COP1: variants seen among roughly 807,000 people sequenced by gnomAD.
COP1 encodes E3 ubiquitin-protein ligase COP1.
Under a neutral mutation model 101.3 loss-of-function variants are expected in COP1, and 24 were observed. The observed-to-expected ratio is 0.24, with a 90% CI of 0.17 to 0.33. COP1 has a LOEUF of 0.33. Among genes scored for constraint, COP1 ranks in the 10% least tolerant of loss-of-function variants. COP1 has a pLI of 1.00. For synonymous variants in COP1, 347 were observed against 341.9 expected (o/e 1.01, Z -0.17); for missense variants, 663 against 906.2 (o/e 0.73, Z 3.45).
chr1:175,998,986 T>C (rs2148843762), intron 15 of COP1, among the ~76,000 whole-genome samples: 1 of 152,236 alleles, frequency 6.6e-6, no homozygotes, highest in South Asian at 2.1e-4. Context: ...AGAGCACAAC[T>C]GATGGGTTTC....
intron 9 of COP1, among the ~76,000 whole-genome samples, chr1:176,093,591 G>A (rs1018088466): frequency 6.6e-6 from 1 of 152,102 alleles, no homozygotes; most frequent in Non-Finnish European, 1.5e-5. Context: ...TGTAATCCCA[G>A]CACTTTGGGA....
At chr1:176,202,141 T>C (rs1216718588) in intron 1 of COP1, among the ~76,000 whole-genome samples, 1 of 152,048 alleles carries the variant, frequency 6.6e-6, no homozygotes, top group East Asian at 1.9e-4. Flanking sequence ...GCACAAACTG[T>C]TACTGTCTTT....
intron 4 of COP1, among the ~76,000 whole-genome samples, chr1:176,163,600 T>A (rs1694670277): frequency 6.6e-6 from 1 of 152,178 alleles, no homozygotes; most frequent in African/African-American, 2.4e-5. Flanking sequence ...AATGTTTCAA[T>A]ATAATCCTAC....
intron 15 of COP1, among the ~76,000 whole-genome samples, chr1:175,995,649 C>A: frequency 6.6e-6 from 1 of 152,044 alleles, no homozygotes; most frequent in African/African-American, 2.4e-5. Context: ...AAATCTAGAA[C>A]AAATGGATAA....
At chr1:175,980,519 T>A (rs1224547887) in intron 18 of COP1, among the ~76,000 whole-genome samples, 1 of 152,158 alleles carries the variant, frequency 6.6e-6, no homozygotes, top group Non-Finnish European at 1.5e-5. Context: ...GCATAGTTGA[T>A]AGGTTCCCAA....
At chr1:176,093,318 A>G (rs1296441518) in intron 9 of COP1, among the ~76,000 whole-genome samples, 1 of 152,188 alleles carries the variant, frequency 6.6e-6, no homozygotes, top group African/African-American at 2.4e-5. Context: ...CTATATTTCT[A>G]ATTTACATAT....
In COP1 at chr1:176,206,797, A is replaced by G; in HGVS notation, c.182T>C (p.Leu61Pro). The G allele has an allele frequency of 7.2e-7, 1 of 1,385,952 alleles. No homozygotes were observed. Among genetic ancestry groups the G allele is most frequent in the South Asian group, 1.6e-5 (1 of 60,978 alleles). The allele number at this position is 1,385,952 out of a possible 1,614,324, so 85.9% of individuals were successfully genotyped here. A position where few individuals can be genotyped will look rare whatever the true frequency, so the allele number is the denominator to read the frequency against. ...GVAQAAGSGG[L>P]GGPVRPVLVA... The stretch of plus-strand genomic sequence containing the variant: ...CAACACAGGCCGCACCGGGCCCCCG[A>G]GGCCGCCCGAGCCGGCGGCCTGGGC... Residue 61 changes from leucine to proline, a missense_variant, in exon 1 of 20, where the codon CTC (leucine) becomes CCC (proline). Transcript: ENST00000367669.
intron 18 of COP1, among the ~76,000 whole-genome samples, chr1:175,972,340 T>C (rs1446330675): frequency 6.6e-6 from 1 of 152,154 alleles, no homozygotes; most frequent in Non-Finnish European, 1.5e-5. Flanking sequence ...AACCAAGACG[T>C]ATTTTTCTGC....
At chr1:176,111,997 T>C (rs1050550906) in intron 9 of COP1, among the ~76,000 whole-genome samples, 4 of 152,204 alleles carry the variant, frequency 2.6e-5, no homozygotes, top group Admixed American at 1.3e-4. Flanking sequence ...AGCACACATG[T>C]ACCATGCATA....
At chr1:176,077,835 G>C (rs1678331607) in intron 11 of COP1, among the ~76,000 whole-genome samples, 1 of 151,942 alleles carries the variant, frequency 6.6e-6, no homozygotes. Flanking sequence ...TACAAAACTT[G>C]GTAGCATTTC....
chr1:176,062,783 G>C (rs1373801360), intron 11 of COP1, among the ~76,000 whole-genome samples: 1 of 116,548 alleles, frequency 8.6e-6, no homozygotes, highest in Non-Finnish European at 1.9e-5. Flanking sequence ...TGAATAAACT[G>C]TAGAATATTT....
At chr1:175,985,467 T>A (rs974599197) in intron 18 of COP1, among the ~76,000 whole-genome samples, 2 of 152,230 alleles carry the variant, frequency 1.3e-5, no homozygotes, top group Non-Finnish European at 2.9e-5. Flanking sequence ...GAAGTTCAGA[T>A]GCAATCGCTA....
At chr1:176,013,988 T>C (rs1665146986) in intron 15 of COP1, among the ~76,000 whole-genome samples, 1 of 152,210 alleles carries the variant, frequency 6.6e-6, no homozygotes, top group African/African-American at 2.4e-5. Flanking sequence ...TCTTTTAATT[T>C]TGGGGTGGGA....
intron 15 of COP1, among the ~76,000 whole-genome samples, chr1:176,022,302 A>C (rs1666888963): frequency 6.6e-6 from 1 of 152,208 alleles, no homozygotes; most frequent in Admixed American, 6.5e-5. Context: ...CCCTGGTAGG[A>C]TCCACAGTGC....
At position 176,151,309 on chromosome 1, in the gene COP1, GAGAA is replaced by G. The variant is rs1275487814; in HGVS notation, c.763-2239_763-2236del. On this transcript the variant is annotated intron_variant, in intron 5 of 19. Coordinates refer to ENST00000367669, the MANE Select transcript of COP1 (RefSeq NM_022457.7). ...AGGAAGGAGAGAAAGAAAGAAAGGA[GAGAA>G]AGAAAGAAGGAAAGAAAGAAAGAAG... Among the ~76,000 whole-genome samples the G allele has an allele frequency of 8.4e-3, 1,082 of 128,774 alleles. 14 individuals are homozygous for G. Among genetic ancestry groups the G allele is most frequent in the African/African-American group, 0.029 (987 of 33,908 alleles). The allele number at this position is 128,774 out of a possible 152,430, so 84.5% of individuals were successfully genotyped here.
At position 176,027,707 on chromosome 1, in the gene COP1, A is replaced by C; in HGVS notation, c.1613-19T>G. 6.9e-7 allele frequency: 1 copy of C among 1,452,516 alleles called. No individual in the cohort carries two copies. 90.0% of individuals were successfully genotyped at this position (1,452,516 alleles called of 1,614,324 possible). On this transcript the variant is annotated intron_variant, in intron 14 of 19. Transcript: ENST00000367669. ...AGCTTCACTAAGGGCAAAGGACAATAAAAACAAAAAGAGAAACAAGTAATA... is the reference window on the plus strand; with the variant it reads ...AGCTTCACTAAGGGCAAAGGACAATCAAAACAAAAAGAGAAACAAGTAATA...
At chr1:175,953,885 A>G (rs902443963) in intron 18 of COP1, among the ~76,000 whole-genome samples, 6 of 152,182 alleles carry the variant, frequency 3.9e-5, no homozygotes, top group African/African-American at 1.4e-4. Context: ...AATAATTCAA[A>G]GACTAAGTAG....
chr1:176,082,673 G>A (rs1486688091), intron 10 of COP1, among the ~76,000 whole-genome samples: 1 of 151,898 alleles, frequency 6.6e-6, no homozygotes, highest in East Asian at 1.9e-4. Flanking sequence ...AGGTGTGCTG[G>A]AGCATGCCTG....
chr1:175,951,076 T>A (rs1028745043), intron 18 of COP1, among the ~76,000 whole-genome samples: 41 of 151,870 alleles, frequency 2.7e-4, no homozygotes, highest in Non-Finnish European at 8.8e-5. Flanking sequence ...AGAAACCCCA[T>A]CTCTACTAAA....
Sources: allele counts gnomAD v4.1 joint callset (sites outside exome capture counted in the v4.1 genomes callset), GRCh38; gene constraint gnomAD v4.1.1; transcripts MANE v1.5; gene names NCBI Gene and HGNC (gene_info 2026-07-23, HGNC 2026-07-21).